Variants in TENM3 observed in about 807,000 individuals in gnomAD.
TENM3 encodes the protein teneurin transmembrane protein 3.
Under a neutral mutation model 255.1 loss-of-function variants are expected in TENM3, and 63 were observed. The ratio of observed to expected loss-of-function variants is 0.25; its 90% CI spans 0.20 to 0.30. The LOEUF is 0.30. Among genes scored for constraint, TENM3 ranks in the 10% least tolerant of loss-of-function variants. The pLI, the probability that TENM3 is intolerant of heterozygous loss-of-function variation, is 1.00. For missense variants in TENM3, 2,929 were observed against 3,461.1 expected (o/e 0.85, Z 3.86); for synonymous variants, 1,306 against 1,322.3 (o/e 0.99, Z 0.27).
chr4:181,796,159 A>G, the TENM3 span, among the ~76,000 whole-genome samples: 1 of 152,182 alleles, frequency 6.6e-6, no homozygotes, highest in Non-Finnish European at 1.5e-5. Flanking sequence ...GGAGCGTAAT[A>G]GTATTAAATA....
chr4:181,754,284 T>TCTCACA, the TENM3 span, among the ~76,000 whole-genome samples: 225 of 144,612 alleles, frequency 1.6e-3, no homozygotes, highest in East Asian at 0.016. Context: ...TATATCCCAG[T>TCTCACA]CACACACACA....
intron 1 of TENM3, among the ~76,000 whole-genome samples, chr4:182,316,955 T>C (rs892386797): frequency 2.6e-4 from 40 of 152,316 alleles, no homozygotes; most frequent in African/African-American, 9.6e-4. Flanking sequence ...AGCTTAATTG[T>C]TTCTCATCTC....
chr4:182,425,748 G>A (rs562076584), intron 3 of TENM3, among the ~76,000 whole-genome samples: 26 of 152,236 alleles, frequency 1.7e-4, no homozygotes, highest in African/African-American at 5.5e-4. Flanking sequence ...GATGGCTCCC[G>A]CCTGTAATCC....
At chr4:181,646,231 C>A in the TENM3 span, among the ~76,000 whole-genome samples, 1 of 152,150 alleles carries the variant, frequency 6.6e-6, no homozygotes, top group Admixed American at 6.5e-5. Flanking sequence ...ATCTACCTTC[C>A]TTTTATTTTC....
intron 3 of TENM3, among the ~76,000 whole-genome samples, chr4:182,553,795 A>G (rs566377901): frequency 1.6e-4 from 24 of 152,340 alleles, no homozygotes; most frequent in African/African-American, 5.8e-4. Flanking sequence ...ATGGAGAGTT[A>G]GAGTCCATCT....
At chr4:182,545,600 C>A (rs1258337149) in intron 3 of TENM3, among the ~76,000 whole-genome samples, 1 of 152,056 alleles carries the variant, frequency 6.6e-6, no homozygotes, top group African/African-American at 2.4e-5. Flanking sequence ...TGCCCTTGGG[C>A]CTTCTCCTGT....
chr4:181,797,072 C>G, the TENM3 span, among the ~76,000 whole-genome samples: 1 of 151,956 alleles, frequency 6.6e-6, no homozygotes, highest in African/African-American at 2.4e-5. Context: ...CAGTCCACAA[C>G]GTTTTACTAT....
At chr4:181,674,645 A>T in the TENM3 span, among the ~76,000 whole-genome samples, 13,986 of 152,150 alleles carry the variant, frequency 0.092, 729 homozygotes, top group Middle Eastern at 0.16. Flanking sequence ...TTGGAAATGC[A>T]AATTTGGAAA....
chr4:182,199,720 C>CT (rs367906246), intron 1 of TENM3, among the ~76,000 whole-genome samples: 1,761 of 104,750 alleles, frequency 0.017, 55 homozygotes, highest in African/African-American at 0.04. Context: ...AACATCATTG[C>CT]TTTTTTTTTT....
chr4:181,451,920 T>A, the TENM3 span, among the ~76,000 whole-genome samples: 1 of 152,102 alleles, frequency 6.6e-6, no homozygotes, highest in African/African-American at 2.4e-5. Context: ...GAGATTTTTT[T>A]AAGATCTTGA....
At chr4:182,611,532 G>A (rs2152432255) in intron 4 of TENM3, among the ~76,000 whole-genome samples, 2 of 151,956 alleles carry the variant, frequency 1.3e-5, no homozygotes, top group South Asian at 4.2e-4. Context: ...TGATCATCTG[G>A]CAAGCTAATC....
At chr4:182,681,735 G>A in intron 10 of TENM3, 79 bp from the exon 11 acceptor site, 1 of 1,027,242 alleles carries the variant, frequency 9.7e-7, no homozygotes, top group African/African-American at 1.6e-5. Flanking sequence ...ATATAAATTA[G>A]ATTAGGATTT....
intron 3 of TENM3, among the ~76,000 whole-genome samples, chr4:182,443,427 G>T (rs1772657441): frequency 6.6e-6 from 1 of 152,118 alleles, no homozygotes; most frequent in African/African-American, 2.4e-5. Flanking sequence ...GCTATAGATT[G>T]TCTTCTAACA....
chr4:182,118,552 A>C, the TENM3 span, among the ~76,000 whole-genome samples: 1 of 152,086 alleles, frequency 6.6e-6, no homozygotes, highest in South Asian at 2.1e-4. Context: ...AAGTGCTAGG[A>C]TTACAGGCAT....
At chr4:182,262,037 C>A (rs1178669463) in intron 1 of TENM3, among the ~76,000 whole-genome samples, 1 of 152,106 alleles carries the variant, frequency 6.6e-6, no homozygotes, top group Non-Finnish European at 1.5e-5. Context: ...ATGTTGGTAT[C>A]AATGTTTCCT....
intron 3 of TENM3, among the ~76,000 whole-genome samples, chr4:182,495,980 A>C (rs1384416895): frequency 6.6e-6 from 1 of 152,220 alleles, no homozygotes; most frequent in Non-Finnish European, 1.5e-5. Flanking sequence ...CTTGGAAGCT[A>C]AGCATTTTAC....
chr4:182,726,963 T>G (rs1181110280), intron 13 of TENM3, among the ~76,000 whole-genome samples: 2 of 152,214 alleles, frequency 1.3e-5, no homozygotes, highest in Admixed American at 1.3e-4. Context: ...GACTTTATTT[T>G]AATTGTATAA....
the TENM3 span, among the ~76,000 whole-genome samples, chr4:181,866,587 C>T: frequency 6.6e-6 from 1 of 152,156 alleles, no homozygotes; most frequent in South Asian, 2.1e-4. Flanking sequence ...TCAAGAGAGG[C>T]TGCTTTTCAG....
chr4:181,699,429 C>A, the TENM3 span, among the ~76,000 whole-genome samples: 2 of 103,496 alleles, frequency 1.9e-5, no homozygotes, highest in African/African-American at 3.9e-5. Context: ...GGCTACAGAG[C>A]CAGACCCTGT....
Sources: gnomAD v4.1 joint callset for allele counts (sites outside exome capture counted in the v4.1 genomes callset) on GRCh38, gnomAD v4.1.1 for gene constraint, MANE v1.5 for transcripts, NCBI Gene and HGNC (gene_info 2026-07-23, HGNC 2026-07-21) for gene names.